The following DMRT1 variants were observed in gnomAD, a reference collection of about 807,000 sequenced individuals.
DMRT1 encodes doublesex and mab-3 related transcription factor 1.
A neutral mutation model predicts 32.3 loss-of-function variants in DMRT1; 7 were observed. The observed-to-expected ratio is 0.22, with a 90% confidence interval of 0.12 to 0.41. The LOEUF is 0.41. Ranked by LOEUF, DMRT1 falls within the 10% of genes least tolerant of loss-of-function variation. The pLI, the probability that DMRT1 is intolerant of heterozygous loss-of-function variation, is 1.00. For synonymous variants in DMRT1, 278 were observed against 206.1 expected, an observed-to-expected ratio of 1.35 and a Z score of -2.99; for missense variants, 625 against 500.5, an observed-to-expected ratio of 1.25 and a Z score of -2.37.
intron 3 of DMRT1, among the ~76,000 whole-genome samples, chr9:906,412 C>T (rs577697604): frequency 7.2e-4 from 109 of 152,334 alleles, no homozygotes; most frequent in Non-Finnish European, 1.3e-3. Context: ...TCATGTGTGA[C>T]ATGAATATAA....
At chr9:914,764 A>T (rs942602249) in intron 3 of DMRT1, among the ~76,000 whole-genome samples, 1 of 152,148 alleles carries the variant, frequency 6.6e-6, no homozygotes, top group African/African-American at 2.4e-5. Context: ...CTCCAGAAGA[A>T]GTAATCCACT....
At chr9:850,266 GC>G (rs1428184962) in intron 2 of DMRT1, among the ~76,000 whole-genome samples, 4 of 152,180 alleles carry the variant, frequency 2.6e-5, no homozygotes, top group African/African-American at 9.6e-5. Flanking sequence ...AAATTCAGAT[GC>G]CAGCAGAATT....
At chr9:919,895 G>A (rs1818301503) in intron 4 of DMRT1, among the ~76,000 whole-genome samples, 1 of 152,206 alleles carries the variant, frequency 6.6e-6, no homozygotes, top group Non-Finnish European at 1.5e-5. Flanking sequence ...GGGACAGGAA[G>A]AGAGGAGTGA....
intron 3 of DMRT1, among the ~76,000 whole-genome samples, chr9:911,233 C>T (rs1460460417): frequency 5.3e-5 from 8 of 152,072 alleles, no homozygotes; most frequent in Admixed American, 5.2e-4. Flanking sequence ...ACTCCCTGCC[C>T]CCTTGTCACA....
chr9:947,864 C>G (rs758820803), intron 4 of DMRT1, among the ~76,000 whole-genome samples: 53 of 152,264 alleles, frequency 3.5e-4, no homozygotes, highest in Non-Finnish European at 5.9e-4. Context: ...AGTCATAGAT[C>G]TCAGCCGGAG....
intron 3 of DMRT1, among the ~76,000 whole-genome samples, chr9:912,412 C>T (rs1379032725): frequency 2.0e-5 from 3 of 152,136 alleles, no homozygotes; most frequent in East Asian, 3.8e-4. Flanking sequence ...TCTTTTATAG[C>T]TCAGTGATCT....
chr9:935,559 C>G (rs913130589), intron 4 of DMRT1, among the ~76,000 whole-genome samples: 7 of 152,194 alleles, frequency 4.6e-5, no homozygotes, highest in South Asian at 2.1e-4. Flanking sequence ...CGTAATTGCT[C>G]GCTTCCGCAT....
intron 4 of DMRT1, among the ~76,000 whole-genome samples, chr9:935,114 A>G (rs560022653): frequency 7.2e-5 from 11 of 152,298 alleles, no homozygotes; most frequent in African/African-American, 2.6e-4. Flanking sequence ...CAATTTTTCT[A>G]GTTCTAAGTG....
intron 4 of DMRT1, among the ~76,000 whole-genome samples, chr9:934,251 G>C (rs962396197): frequency 3.3e-5 from 5 of 150,278 alleles, no homozygotes; most frequent in African/African-American, 1.3e-4. Flanking sequence ...TTCGTGAGTG[G>C]CCTCTTCACT....
At chr9:910,048 C>A (rs992372478) in intron 3 of DMRT1, among the ~76,000 whole-genome samples, 1 of 152,140 alleles carries the variant, frequency 6.6e-6, no homozygotes, top group African/African-American at 2.4e-5. Flanking sequence ...TATCAGTTTG[C>A]AATTAGGAAT....
chr9:909,759 G>T (rs1251930689), intron 3 of DMRT1, among the ~76,000 whole-genome samples: 1 of 152,002 alleles, frequency 6.6e-6, no homozygotes, highest in South Asian at 2.1e-4. Context: ...TGTCACCCAG[G>T]TTGGAGTCAG....
rs368594521 is a variant in DMRT1, at chr9:859,581, C to T, written c.538+12438C>T. ...TCACTTTCCAAATCACAAAAAAATC[C>T]AATTCGGTGTTTTTGAGTCTCCTAT... is the stretch of plus-strand genomic sequence containing the variant. On this transcript the variant is annotated intron_variant, in intron 2 of 4. Coordinates refer to ENST00000382276, the MANE Select transcript of DMRT1 (RefSeq NM_021951.3). Among the ~76,000 whole-genome samples, 4 of 152,092 alleles carry T rather than the reference C, an allele frequency of 2.6e-5. No individual in the cohort carries two copies. In the South Asian group the frequency reaches 8.3e-4, roughly 32 times the overall value.
At chr9:919,749 G>A (rs530600763) in intron 4 of DMRT1, among the ~76,000 whole-genome samples, 1 of 152,286 alleles carries the variant, frequency 6.6e-6, no homozygotes, top group Admixed American at 6.5e-5. Flanking sequence ...AGACCAGTTA[G>A]AAGGTGATGG....
intron 4 of DMRT1, among the ~76,000 whole-genome samples, chr9:956,059 T>C (rs917421568): frequency 6.6e-6 from 1 of 152,232 alleles, no homozygotes; most frequent in African/African-American, 2.4e-5. Flanking sequence ...ACAAAAGGTG[T>C]ATACGTATAC....
intron 4 of DMRT1, among the ~76,000 whole-genome samples, chr9:966,625 G>C (rs917309689): frequency 6.6e-6 from 1 of 152,340 alleles, no homozygotes; most frequent in African/African-American, 2.4e-5. Flanking sequence ...ATGTGGTCCA[G>C]TGGAGTGGTT....
At chr9:892,075 C>T (rs1242366883) in intron 2 of DMRT1, among the ~76,000 whole-genome samples, 1 of 152,174 alleles carries the variant, frequency 6.6e-6, no homozygotes, top group East Asian at 1.9e-4. Context: ...TGCTCTCTTG[C>T]AGGCCTGCAT....
intron 2 of DMRT1, among the ~76,000 whole-genome samples, chr9:866,935 G>C (rs7864221): frequency 6.6e-6 from 1 of 152,112 alleles, no homozygotes; most frequent in Non-Finnish European, 1.5e-5. Context: ...ATTGGTTTGG[G>C]GTTGTTAGCT....
rs556225671 is a variant in DMRT1, at chr9:950,675, C to G, written c.968-17310C>G. ...CCTGCTTCCCCAAGTCAGCATTTAC[C>G]AGCTCCTGCCTTAGGCTGGTAGATG... is the stretch of plus-strand genomic sequence containing the variant. On this transcript the variant is annotated intron_variant, in intron 4 of 4. Coordinates refer to ENST00000382276, the MANE Select transcript of DMRT1 (RefSeq NM_021951.3). Among the ~76,000 whole-genome samples the G allele has an allele frequency of 1.2e-3, 188 of 152,184 alleles. 2 individuals carry two copies. The highest frequency in any genetic ancestry group is 4.4e-3 in the African/African-American group (181 of 41,508).
intron 3 of DMRT1, among the ~76,000 whole-genome samples, chr9:905,889 G>A (rs1162180742): frequency 2.0e-5 from 3 of 152,176 alleles, no homozygotes; most frequent in Non-Finnish European, 1.5e-5. Flanking sequence ...TTGCCTGACT[G>A]CAGAGAGGCA....
Sources: allele counts gnomAD v4.1 joint callset (sites outside exome capture counted in the v4.1 genomes callset), GRCh38; gene constraint gnomAD v4.1.1; transcripts MANE v1.5; gene names NCBI Gene and HGNC (gene_info 2026-07-23, HGNC 2026-07-21).